TBC1D8B: variants seen among roughly 807,000 people sequenced by gnomAD.
TBC1D8B encodes the protein RP11-321G1.1.
A neutral mutation model predicts 82.9 loss-of-function variants in TBC1D8B; 75 were observed. That is an observed-to-expected ratio of 0.90 (90% CI 0.75 to 1.10). The LOEUF (loss-of-function observed/expected upper bound fraction) is 1.10. Ranked by LOEUF, TBC1D8B falls within the 50% of genes least tolerant of loss-of-function variation. The pLI, the probability that TBC1D8B is intolerant of heterozygous loss-of-function variation, is 0.00. For missense variants in TBC1D8B, 794 were observed against 796.9 expected (o/e 1.00, Z 0.04); for synonymous variants, 276 against 276.8 (o/e 1.00, Z 0.03).
At chrX:106,810,325 A>AT (rs1274404505) in intron 1 of TBC1D8B, among the ~76,000 whole-genome samples, 1 of 111,789 alleles carries the variant, frequency 8.9e-6, no homozygotes, top group Non-Finnish European at 1.9e-5. Flanking sequence ...AGGAGGAATA[A>AT]TGTGATAGTG....
chrX:106,809,059 A>G (rs1442799193), intron 1 of TBC1D8B, among the ~76,000 whole-genome samples: 1 of 112,074 alleles, frequency 8.9e-6, no homozygotes, highest in African/African-American at 3.2e-5. Context: ...CAGATTTTAT[A>G]TTGCCTTTAT....
At chrX:106,858,391 G>A (rs1214780285) in intron 14 of TBC1D8B, among the ~76,000 whole-genome samples, 2 of 111,827 alleles carry the variant, frequency 1.8e-5, no homozygotes, top group Admixed American at 1.9e-4. Context: ...TCCTGCCTCA[G>A]CCTCCTGAAT....
At chrX:106,836,139 C>T (rs1932169519) in intron 7 of TBC1D8B, among the ~76,000 whole-genome samples, 1 of 111,867 alleles carries the variant, frequency 8.9e-6, no homozygotes, top group African/African-American at 3.2e-5. Context: ...ACTCACAATT[C>T]CACATGGCTG....
Position 106,839,424 on chromosome X carries a change from C to A in TBC1D8B, c.1320C>A (p.His440Gln). The change falls in exon 8 of 21, where the codon CAC becomes CAA. Residue 440 changes from histidine (H) to glutamine (Q), a missense_variant. Physicochemically the swap from His to Gln is conservative, Grantham distance 24. Transcript: ENST00000357242. The stretch of plus-strand genomic sequence containing the variant: ...CTGAAGCCTTAATGACAGTATTTCA[C>A]CCTCAGAATTTGGAGACTCTTAATT... ...VNTEALMTVF[H>Q]PQNLETLNSK... The A allele has an allele frequency of 8.6e-7, 1 of 1,165,230 alleles. No individual in the cohort carries two copies. Among genetic ancestry groups the A allele is most frequent in the East Asian group, 3.0e-5 (1 of 32,972 alleles).
chrX:106,862,766 G>GTTT (rs199693098), intron 14 of TBC1D8B, among the ~76,000 whole-genome samples: 2 of 35,786 alleles, frequency 5.6e-5, no homozygotes, highest in Admixed American at 3.1e-4. Flanking sequence ...CTTTGGATGG[G>GTTT]TTTTTTTTTG....
In TBC1D8B at chrX:106,874,908, A is replaced by G. The variant is rs895565329; in HGVS notation, c.*943A>G. ...GATAGTAAAGAATGGCTACACTAAG[A>G]CTGAATTATCTTATTAGTCTGGCAA... On this transcript the variant is annotated 3_prime_UTR_variant, in exon 21 of 21. Transcript: ENST00000357242. 1.8e-5 allele frequency: 2 copies of G among 112,210 alleles called. No individual in the cohort carries two copies. Among genetic ancestry groups the G allele is most frequent in the African/African-American group, 6.5e-5 (2 of 30,777 alleles). The allele number at this position is 112,210 out of a possible 1,213,427, so 9.2% of individuals were successfully genotyped here.
chrX:106,825,797 TG>T (rs1351524052), intron 5 of TBC1D8B, among the ~76,000 whole-genome samples: 1 of 111,261 alleles, frequency 9.0e-6, no homozygotes, highest in Non-Finnish European at 1.9e-5. Context: ...CTCTAACTTT[TG>T]TGCATTTTAA....
intron 4 of TBC1D8B, 59 bp from the exon 5 acceptor site, chrX:106,823,167 T>TA (rs771424589): frequency 4.6e-5 from 50 of 1,094,536 alleles, no homozygotes; most frequent in Non-Finnish European, 6.0e-5. Flanking sequence ...AAGAACTGAT[T>TA]AATAAACATA....
In TBC1D8B at chrX:106,831,021, G is replaced by C. The variant is rs899438252; in HGVS notation, c.1203+3684G>C. Among the ~76,000 whole-genome samples, 3 of 110,439 alleles carry C rather than the reference G, an allele frequency of 2.7e-5. No homozygotes were observed. The Admixed American group carries it at 2.9e-4, about 11-fold the overall frequency. On this transcript the variant is annotated intron_variant, in intron 7 of 20. Coordinates refer to ENST00000357242, the MANE Select transcript of TBC1D8B (RefSeq NM_017752.3). Reference sequence around the variant, plus strand: ...CAAGGAGGATTTTGATGTTTAATATGTCTCTCATGGAAATGCAGACAGGTC... The same window carrying C: ...CAAGGAGGATTTTGATGTTTAATATCTCTCTCATGGAAATGCAGACAGGTC...
rs190540565 is a variant in TBC1D8B, at chrX:106,870,081, A to G, written c.2869+540A>G. On this transcript the variant is annotated intron_variant, in intron 19 of 20. Coordinates refer to ENST00000357242, the MANE Select transcript of TBC1D8B (RefSeq NM_017752.3). ...AGTCTTGCTCTGTCGCCCAGGCTGG[A>G]GTGCAGTGGCATGATCTCAGCTCAC... Among the ~76,000 whole-genome samples, 314 of 110,917 alleles carry G rather than the reference A, an allele frequency of 2.8e-3. 1 individual carries two copies. Among genetic ancestry groups the G allele is most frequent in the African/African-American group, 9.8e-3 (303 of 30,841 alleles).
At chrX:106,868,249 A>G (rs765984511) in intron 17 of TBC1D8B, 144 bp from the exon 18 acceptor site, 4 of 277,354 alleles carry the variant, frequency 1.4e-5, no homozygotes, top group Non-Finnish European at 2.6e-5. Context: ...GTAGAGTAGA[A>G]CCACTTCTGT....
At chrX:106,854,074 G>A in intron 13 of TBC1D8B, 124 bp from the exon 14 acceptor site, 11 of 506,093 alleles carry the variant, frequency 2.2e-5, no homozygotes, top group Non-Finnish European at 3.2e-5. Context: ...CATTGAACAA[G>A]TCAGGAAATT....
intron 10 of TBC1D8B, among the ~76,000 whole-genome samples, chrX:106,842,901 T>C (rs1375698394): frequency 9.0e-6 from 1 of 111,383 alleles, no homozygotes; most frequent in East Asian, 2.8e-4. Context: ...TTTCTAGCTC[T>C]ATGAATATGC....
At chrX:106,854,351 ACTTT>A in intron 14 of TBC1D8B, 55 bp downstream of exon 14, 1 of 813,357 alleles carries the variant, frequency 1.2e-6, no homozygotes, top group Admixed American at 3.5e-5. Context: ...TTTTTCTATA[ACTTT>A]CTTTAGAAAT....
intron 7 of TBC1D8B, chrX:106,828,398 T>A (rs1319264862): frequency 4.4e-5 from 5 of 112,660 alleles, no homozygotes; most frequent in African/African-American, 1.3e-4. Flanking sequence ...CTGAAACTAT[T>A]CCAATCAATA....
intron 4 of TBC1D8B, 41 bp from the exon 5 acceptor site, chrX:106,823,185 A>G: frequency 7.8e-6 from 9 of 1,153,424 alleles, no homozygotes; most frequent in Non-Finnish European, 1.0e-5. Context: ...ATAAATCACT[A>G]TGAAAATTTA....
In TBC1D8B at chrX:106,803,252, C is replaced by A. The variant is rs758696949; in HGVS notation, c.130+269C>A. 7.2e-5 allele frequency among the ~76,000 whole-genome samples: 8 copies of A among 111,872 alleles called. No homozygotes were observed. The South Asian group carries it at 3.0e-3, about 42-fold the overall frequency. On this transcript the variant is annotated intron_variant, in intron 1 of 20. Coordinates refer to ENST00000357242, the MANE Select transcript of TBC1D8B (RefSeq NM_017752.3). ...AGGAAGAAACGGGTACCTACCTTGTCGCTTCCCATGGGGGGAGGGAGGCTG... is the reference window on the plus strand; with the variant it reads ...AGGAAGAAACGGGTACCTACCTTGTAGCTTCCCATGGGGGGAGGGAGGCTG...
intron 5 of TBC1D8B, among the ~76,000 whole-genome samples, chrX:106,825,591 T>C (rs1931816738): frequency 9.0e-6 from 1 of 111,657 alleles, no homozygotes; most frequent in Non-Finnish European, 1.9e-5. Flanking sequence ...TCTTTCCCTC[T>C]AAATTTTTAT....
At chrX:106,806,190 G>A (rs938589112) in intron 1 of TBC1D8B, among the ~76,000 whole-genome samples, 2 of 111,975 alleles carry the variant, frequency 1.8e-5, no homozygotes, top group African/African-American at 6.5e-5. Context: ...TTAAATTGTT[G>A]AAACACTTCT....
Sources: allele counts gnomAD v4.1 joint callset (sites outside exome capture counted in the v4.1 genomes callset), GRCh38; gene constraint gnomAD v4.1.1; transcripts MANE v1.5; gene names NCBI Gene and HGNC (gene_info 2026-07-23, HGNC 2026-07-21).